The following PCBP3 variants were observed in gnomAD, a reference collection of about 807,000 sequenced individuals.
PCBP3 encodes the protein poly(rC) binding protein 3.
Under a neutral mutation model 52.7 loss-of-function variants are expected in PCBP3, and 25 were observed. The ratio of observed to expected loss-of-function variants is 0.47; its 90% confidence interval spans 0.35 to 0.66. The LOEUF (loss-of-function observed/expected upper bound fraction) is 0.66, where lower values mean the gene tolerates loss of function less well. Among genes scored for constraint, PCBP3 ranks in the 30% least tolerant of loss-of-function variants. PCBP3 has a pLI of 0.01. For synonymous variants in PCBP3, 162 were observed against 183.0 expected, an observed-to-expected ratio of 0.89 and a Z score of 0.93; for missense variants, 391 against 490.3, an observed-to-expected ratio of 0.80 and a Z score of 1.91.
Position 45,827,128 on chromosome 21 carries a change from C to T in PCBP3, c.-125-22833C>T, listed in dbSNP as rs926915443. 6.6e-6 allele frequency among the ~76,000 whole-genome samples: 1 copy of T among 152,170 alleles called. No individual in the cohort carries two copies. The highest frequency in any genetic ancestry group is 6.5e-5 in the Admixed American group (1 of 15,288). ...CGCGTCCCTGGGGACCACACGGGGA[C>T]TGGAGCTCCCTACCTGCTCAGGATC... On this transcript the variant is annotated intron_variant, in intron 4 of 17. Transcript: ENST00000681687. The surrounding 1 kb of genome is among the most constrained non-coding windows in gnomAD (Gnocchi z 4.3).
At chr21:45,863,456 G>A (rs953946850) in intron 5 of PCBP3, among the ~76,000 whole-genome samples, 6 of 152,210 alleles carry the variant, frequency 3.9e-5, no homozygotes, top group African/African-American at 7.2e-5. Context: ...CAGGCTCGCC[G>A]GGCTGTTGAG....
intron 4 of PCBP3, chr21:45,832,565 A>C (rs2093478224): frequency 6.6e-6 from 1 of 152,132 alleles, no homozygotes; most frequent in Admixed American, 6.5e-5. Flanking sequence ...CCACACCTAC[A>C]TCATGTTGAC....
chr21:45,935,591 G>A (rs2076808669), intron 16 of PCBP3: 2 of 533,140 alleles, frequency 3.8e-6, no homozygotes, highest in Non-Finnish European at 7.1e-6. Context: ...GAGAACCTAT[G>A]TTGCTGTGGA....
chr21:45,914,835 C>T (rs563638808), intron 12 of PCBP3: 2 of 152,272 alleles, frequency 1.3e-5, no homozygotes, highest in African/African-American at 4.8e-5. Flanking sequence ...TGTCTTTGTT[C>T]AAGGGAGAGT....
intron 4 of PCBP3, among the ~76,000 whole-genome samples, chr21:45,801,385 G>T (rs1322027775): frequency 6.6e-6 from 1 of 152,268 alleles, no homozygotes; most frequent in African/African-American, 2.4e-5. Context: ...CCTGCTGGCT[G>T]CAGGGCCCCT....
intron 2 of PCBP3, among the ~76,000 whole-genome samples, chr21:45,705,525 C>T (rs960071638): frequency 6.6e-5 from 10 of 152,178 alleles, no homozygotes; most frequent in Admixed American, 2.0e-4. Flanking sequence ...CTTTACTGGG[C>T]GTGCACTTCT....
intron 3 of PCBP3, among the ~76,000 whole-genome samples, chr21:45,752,290 T>C (rs1022834600): frequency 6.6e-6 from 1 of 152,098 alleles, no homozygotes; most frequent in African/African-American, 2.4e-5. Context: ...GATTTTTTTC[T>C]ATGGGATGTT....
chr21:45,825,948 GA>G (rs1326621532), intron 4 of PCBP3, among the ~76,000 whole-genome samples: 2 of 152,132 alleles, frequency 1.3e-5, no homozygotes, highest in Non-Finnish European at 2.9e-5. Flanking sequence ...ACCTATGAAA[GA>G]AAAAAATATA....
At chr21:45,752,593 C>A (rs1356225567) in intron 3 of PCBP3, among the ~76,000 whole-genome samples, 4 of 151,868 alleles carry the variant, frequency 2.6e-5, no homozygotes, top group Non-Finnish European at 4.4e-5. Flanking sequence ...TCCAAATACA[C>A]AGAGCTTTAA....
chr21:45,765,243 G>A (rs1006077933), intron 4 of PCBP3, among the ~76,000 whole-genome samples: 1 of 152,318 alleles, frequency 6.6e-6, no homozygotes, highest in Non-Finnish European at 1.5e-5. Flanking sequence ...GGGGTGCCAG[G>A]ATATCTGTGC....
intron 5 of PCBP3, among the ~76,000 whole-genome samples, chr21:45,855,096 G>T (rs2094221022): frequency 6.6e-6 from 1 of 152,124 alleles, no homozygotes; most frequent in Non-Finnish European, 1.5e-5. Context: ...GTCCGCAGGG[G>T]CCCCCAGGCT....
rs142273533 is a variant in PCBP3 at position 45,769,542 on chromosome 21, G to A, written c.-126+14090G>A. On this transcript the variant is annotated intron_variant, in intron 4 of 17. Coordinates refer to ENST00000681687, the MANE Select transcript of PCBP3 (RefSeq NM_001384156.1). ...TTTGTTCAGTTTAATTCTTAGAACC[G>A]CCTATCCAGGCCGGTCTTGTGTTCC... Among the ~76,000 whole-genome samples the A allele has an allele frequency of 1.1e-4, 17 of 152,358 alleles. No individual in the cohort carries two copies. The East Asian group carries it at 2.5e-3, about 22-fold the overall frequency.
chr21:45,663,370 G>A (rs531950808), intron 1 of PCBP3, among the ~76,000 whole-genome samples: 4 of 152,116 alleles, frequency 2.6e-5, no homozygotes, highest in African/African-American at 4.8e-5. Flanking sequence ...GTGGTCGCCC[G>A]GGCCCAGCTG....
intron 3 of PCBP3, chr21:45,749,741 T>C (rs1470578210): frequency 1.3e-5 from 2 of 151,988 alleles, no homozygotes; most frequent in Non-Finnish European, 2.9e-5. Context: ...GATGGAGAGG[T>C]GCTGTTTCCT....
intron 2 of PCBP3, among the ~76,000 whole-genome samples, chr21:45,681,218 A>G (rs985367397): frequency 2.0e-5 from 3 of 152,218 alleles, no homozygotes; most frequent in Non-Finnish European, 4.4e-5. Context: ...GGACATTCAG[A>G]CCATAGCAGC....
At chr21:45,758,258 CT>C (rs2146502343) in intron 4 of PCBP3, among the ~76,000 whole-genome samples, 1 of 152,288 alleles carries the variant, frequency 6.6e-6, no homozygotes, top group Admixed American at 6.5e-5. Context: ...GGTGAGTCTT[CT>C]TAGTTCTTCT....
chr21:45,677,248 C>A (rs1271146080), intron 2 of PCBP3, among the ~76,000 whole-genome samples: 1 of 152,166 alleles, frequency 6.6e-6, no homozygotes, highest in East Asian at 1.9e-4. Flanking sequence ...GAAAGCGAAA[C>A]AGCCTTGTTG....
At chr21:45,811,898 TG>T (rs2092696440) in intron 4 of PCBP3, among the ~76,000 whole-genome samples, 1 of 152,248 alleles carries the variant, frequency 6.6e-6, no homozygotes, top group Non-Finnish European at 1.5e-5. Context: ...TCTTCTTATA[TG>T]TTTTTTAATT....
Position 45,817,394 on chromosome 21 carries a change from C to T in PCBP3, c.-125-32567C>T, listed in dbSNP as rs1389684245. ...TACTCCCCAGTAGTTCTGTCTCTCTCTGCCATTCCTCATGGAGTCCTTGCG... is the reference window on the plus strand; with the variant it reads ...TACTCCCCAGTAGTTCTGTCTCTCTTTGCCATTCCTCATGGAGTCCTTGCG... On this transcript the variant is annotated intron_variant, in intron 4 of 17. Coordinates refer to ENST00000681687, the MANE Select transcript of PCBP3 (RefSeq NM_001384156.1). The surrounding 1 kb of genome is among the most constrained non-coding windows in gnomAD (Gnocchi z 4.3). Among the ~76,000 whole-genome samples the T allele has an allele frequency of 6.6e-6, 1 of 152,236 alleles. No homozygotes were observed. The highest frequency in any genetic ancestry group is 1.5e-5 in the Non-Finnish European group (1 of 68,044).
Sources: allele counts gnomAD v4.1 joint callset (sites outside exome capture counted in the v4.1 genomes callset), GRCh38; gene constraint gnomAD v4.1.1; non-coding constraint Gnocchi (gnomAD v3.1); transcripts MANE v1.5; gene names NCBI Gene and HGNC (gene_info 2026-07-23, HGNC 2026-07-21).